IQSEC1: variants seen among roughly 807,000 people sequenced by gnomAD.
The protein encoded by IQSEC1 is IQ motif and SEC7 domain-containing protein 1.
Under a neutral mutation model 91.0 loss-of-function variants are expected in IQSEC1, and 31 were observed. The observed-to-expected ratio is 0.34, with a 90% CI of 0.26 to 0.46. The LOEUF (loss-of-function observed/expected upper bound fraction) is 0.46. Among genes scored for constraint, IQSEC1 ranks in the 20% least tolerant of loss-of-function variants. The probability of loss-of-function intolerance (pLI) is 1.00; values close to 1 mark genes in which losing one functional copy is unlikely to be tolerated. For synonymous variants in IQSEC1, 699 were observed against 662.6 expected, an observed-to-expected ratio of 1.05 and a Z score of -0.84; for missense variants, 1,388 against 1,575.6, an observed-to-expected ratio of 0.88 and a Z score of 2.02.
In IQSEC1 at chr3:12,901,505, A is replaced by G. The variant is rs1694303022; in HGVS notation, c.2823T>C (p.Ser941=). 2 of 1,549,916 alleles carry G rather than the reference A, an allele frequency of 1.3e-6. No homozygotes were observed. The highest frequency in any genetic ancestry group is 4.9e-5 in the East Asian group (2 of 40,922). The change falls in exon 14 of 14, where the codon AGT becomes AGC. Residue 941 remains serine, a synonymous_variant. Transcript: ENST00000613206. ...ESNVEGSIIS[S]PHMRRRATST... ...ATGTAGCTCTCCGGCGCATGTGAGG[A>G]CTGCTAATGATGGACCCCTAAAAAG...
intron 1 of IQSEC1, among the ~76,000 whole-genome samples, chr3:13,051,104 C>A (rs1344505445): frequency 6.6e-6 from 1 of 152,198 alleles, no homozygotes. Context: ...ATCGCTTCCC[C>A]TGCTTCACCC....
intron 1 of IQSEC1, among the ~76,000 whole-genome samples, chr3:13,231,987 T>G (rs1030123845): frequency 6.6e-6 from 1 of 152,238 alleles, no homozygotes; most frequent in Admixed American, 6.5e-5. Context: ...CTCCCCTGCC[T>G]CGGAGGAGAA....
Position 13,242,424 on chromosome 3 carries a change from C to T in IQSEC1, c.272+40287G>A, listed in dbSNP as rs146336313. 5.4e-4 allele frequency among the ~76,000 whole-genome samples: 83 copies of T among 152,296 alleles called. 1 individual carries two copies. Among genetic ancestry groups the T allele is most frequent in the African/African-American group, 1.9e-3 (79 of 41,562 alleles). On this transcript the variant is annotated intron_variant, in intron 1 of 15. Coordinates refer to the IQSEC1 transcript ENST00000648114. ...TACCCCCAAGAGCAAGGTGGGCATA[C>T]GGGGAATACCCCCAGGTTCAGATAG...
chr3:12,932,755 C>T (rs1376483414), intron 3 of IQSEC1, among the ~76,000 whole-genome samples: 1 of 152,162 alleles, frequency 6.6e-6, no homozygotes, highest in East Asian at 1.9e-4. Context: ...GTGGCAGATC[C>T]AGGACTGAAA....
chr3:13,139,159 T>G (rs1227871790), intron 2 of IQSEC1, among the ~76,000 whole-genome samples: 4 of 152,204 alleles, frequency 2.6e-5, no homozygotes, highest in Non-Finnish European at 4.4e-5. Flanking sequence ...GCTAGCCATT[T>G]TAACAACGAG....
intron 2 of IQSEC1, among the ~76,000 whole-genome samples, chr3:13,137,230 T>A (rs1003620928): frequency 1.3e-5 from 2 of 152,162 alleles, no homozygotes; most frequent in African/African-American, 4.8e-5. Flanking sequence ...AAAGCAGATA[T>A]GAGAAAATCT....
chr3:12,977,376 G>C (rs186523137), intron 1 of IQSEC1, among the ~76,000 whole-genome samples: 10 of 149,732 alleles, frequency 6.7e-5, no homozygotes, highest in African/African-American at 2.4e-4. Flanking sequence ...GCGCTATCCC[G>C]TTGGCAAAAC....
chr3:13,263,438 G>GGGGGGT (rs1695428174), intron 1 of IQSEC1, among the ~76,000 whole-genome samples: 1 of 74,138 alleles, frequency 1.3e-5, no homozygotes. Flanking sequence ...GGGGGGGGGG[G>GGGGGGT]GAAAGTACCT....
At chr3:13,277,413 C>T (rs926787195) in intron 1 of IQSEC1, among the ~76,000 whole-genome samples, 3 of 152,232 alleles carry the variant, frequency 2.0e-5, no homozygotes, top group African/African-American at 7.2e-5. Flanking sequence ...GTGCCACTCG[C>T]TGTCTTCCTC....
At chr3:13,048,697 TG>T (rs1319858620) in intron 1 of IQSEC1, among the ~76,000 whole-genome samples, 2 of 152,230 alleles carry the variant, frequency 1.3e-5, no homozygotes, top group Non-Finnish European at 2.9e-5. Context: ...TGTCCCATGC[TG>T]GCCTGTGATT....
chr3:13,170,841 T>C (rs186684495), intron 1 of IQSEC1, among the ~76,000 whole-genome samples: 1,831 of 152,320 alleles, frequency 0.012, 26 homozygotes, highest in African/African-American at 0.04. Context: ...GGCTCACGCC[T>C]GTAATCCCAG....
In IQSEC1 at chr3:13,211,559, A is replaced by T. The variant is rs902815173; in HGVS notation, c.273-47426T>A. ...CCACCTCCCTGGACGCCCTTCCCCT[A>T]GTAGGAGCCCACAGGGCCAGCAGGA... On this transcript the variant is annotated intron_variant, in intron 1 of 15. Transcript: ENST00000648114. This position sits in a 1 kb window ranked among gnomAD's most constrained non-coding sequence, Gnocchi z 5.3. 2.0e-5 allele frequency among the ~76,000 whole-genome samples: 3 copies of T among 152,050 alleles called. No individual in the cohort carries two copies. The highest frequency in any genetic ancestry group is 4.4e-5 in the Non-Finnish European group (3 of 68,010).
intron 1 of IQSEC1, among the ~76,000 whole-genome samples, chr3:13,012,237 G>A (rs987838644): frequency 6.6e-6 from 1 of 152,164 alleles, no homozygotes; most frequent in African/African-American, 2.4e-5. Context: ...ACCTAGCACA[G>A]CCAGGTCAGC....
At chr3:13,279,622 C>G (rs940963937) in intron 1 of IQSEC1, among the ~76,000 whole-genome samples, 1 of 152,222 alleles carries the variant, frequency 6.6e-6, no homozygotes, top group African/African-American at 2.4e-5. Flanking sequence ...TCCAACCCCC[C>G]TCGAGTCACT....
Position 12,913,561 on chromosome 3 carries a change from G to A in IQSEC1, c.2191-8C>T. 6.2e-7 allele frequency: 1 copy of A among 1,600,252 alleles called. No individual in the cohort carries two copies. Among genetic ancestry groups the A allele is most frequent in the Non-Finnish European group, 8.5e-7 (1 of 1,171,252 alleles). ...GTGGGGCAGAGAGAGCACCTGTGTG[G>A]GAAGAGGCTGTCCTGCCACGGCCGC... On this transcript the variant is annotated splice_polypyrimidine_tract_variant and splice_region_variant and intron_variant, in intron 8 of 13. Coordinates refer to ENST00000613206, the MANE Select transcript of IQSEC1 (RefSeq NM_001134382.3).
At chr3:13,149,848 C>T (rs1005120720) in intron 2 of IQSEC1, among the ~76,000 whole-genome samples, 6 of 152,216 alleles carry the variant, frequency 3.9e-5, no homozygotes, top group Admixed American at 3.3e-4. Flanking sequence ...CTACATGATA[C>T]AGGTTCTCAT....
Position 12,900,133 on chromosome 3 carries a change from T to TA in IQSEC1, c.*849dup. The TA allele has an allele frequency of 1.0e-6, 1 of 974,128 alleles. No individual in the cohort carries two copies. The highest frequency in any genetic ancestry group is 1.8e-5 in the African/African-American group (1 of 57,058). The allele number at this position is 974,128 out of a possible 1,614,324, so 60.3% of individuals were successfully genotyped here. A position where few individuals can be genotyped will look rare whatever the true frequency, so the allele number is the denominator to read the frequency against. ...CTTACCTGAAATAACAGCATTATAA[T>TA]ACTATTTATGATAGTATTCTGTTAA... On this transcript the variant is annotated 3_prime_UTR_variant, in exon 14 of 14. Transcript: ENST00000613206.
intron 1 of IQSEC1, among the ~76,000 whole-genome samples, chr3:12,984,642 C>T (rs1226264941): frequency 1.3e-5 from 2 of 152,098 alleles, no homozygotes; most frequent in Admixed American, 6.6e-5. Context: ...CACCTGCTGC[C>T]TTCCTGGGGA....
chr3:13,269,021 G>A (rs576244099), intron 1 of IQSEC1, among the ~76,000 whole-genome samples: 90 of 152,356 alleles, frequency 5.9e-4, no homozygotes, highest in Middle Eastern at 3.4e-3. Flanking sequence ...CTCAGAGGAC[G>A]TGCGGGGTTT....
Sources: allele counts gnomAD v4.1 joint callset (sites outside exome capture counted in the v4.1 genomes callset), GRCh38; gene constraint gnomAD v4.1.1; non-coding constraint Gnocchi (gnomAD v3.1); transcripts MANE v1.5; gene names NCBI Gene and HGNC (gene_info 2026-07-23, HGNC 2026-07-21).